The following L3MBTL4 variants were observed in gnomAD, a reference collection of about 807,000 sequenced individuals.
L3MBTL4 encodes L3MBTL histone methyl-lysine binding protein 4.
A neutral mutation model predicts 84.5 loss-of-function variants in L3MBTL4; 70 were observed. The ratio of observed to expected loss-of-function variants is 0.83; its 90% CI spans 0.68 to 1.01. The LOEUF (loss-of-function observed/expected upper bound fraction) is 1.01, where lower values mean the gene tolerates loss of function less well. L3MBTL4 is among the 50% of genes least tolerant of loss of function. L3MBTL4 has a pLI of 0.00. For synonymous variants in L3MBTL4, 274 were observed against 259.8 expected, an observed-to-expected ratio of 1.05 and a Z score of -0.52; for missense variants, 715 against 754.8, an observed-to-expected ratio of 0.95 and a Z score of 0.62.
intron 16 of L3MBTL4, among the ~76,000 whole-genome samples, chr18:6,045,183 C>T (rs1416567912): frequency 1.3e-5 from 2 of 152,190 alleles, no homozygotes; most frequent in Non-Finnish European, 2.9e-5. Context: ...TAACAGCAGA[C>T]CGTTCAGCAG....
chr18:6,153,676 A>C (rs1212179093), intron 13 of L3MBTL4, among the ~76,000 whole-genome samples: 1 of 152,062 alleles, frequency 6.6e-6, no homozygotes, highest in African/African-American at 2.4e-5. Flanking sequence ...CCATGTGTTG[A>C]GGGAGGAAGG....
intron 3 of L3MBTL4, among the ~76,000 whole-genome samples, chr18:6,309,212 A>G (rs563107100): frequency 1.4e-4 from 22 of 152,356 alleles, no homozygotes; most frequent in Middle Eastern, 3.4e-3. Context: ...CAAGGAGTCT[A>G]GCAAAATTCA....
chr18:6,266,211 G>A (rs1200684467), intron 4 of L3MBTL4, among the ~76,000 whole-genome samples: 1 of 152,144 alleles, frequency 6.6e-6, no homozygotes. Context: ...GCATATGTAT[G>A]TCCACACAAC....
At chr18:6,280,326 G>C (rs2049270178) in intron 4 of L3MBTL4, among the ~76,000 whole-genome samples, 1 of 152,272 alleles carries the variant, frequency 6.6e-6, no homozygotes, top group African/African-American at 2.4e-5. Context: ...TAGTTCACAG[G>C]GGCATTTTCC....
At chr18:5,958,014 G>T (rs868073308) in intron 18 of L3MBTL4, among the ~76,000 whole-genome samples, 4 of 131,182 alleles carry the variant, frequency 3.0e-5, no homozygotes, top group Middle Eastern at 3.4e-3. Flanking sequence ...GAAGGAGGAG[G>T]AGGAGAAGGA....
At chr18:6,112,057 C>G in intron 14 of L3MBTL4, among the ~76,000 whole-genome samples, 1 of 152,150 alleles carries the variant, frequency 6.6e-6, no homozygotes, top group East Asian at 1.9e-4. Context: ...ATAAAGTGAG[C>G]TCATTCAGTA....
At chr18:6,186,410 G>A (rs539740504) in intron 12 of L3MBTL4, among the ~76,000 whole-genome samples, 74 of 152,072 alleles carry the variant, frequency 4.9e-4, no homozygotes, top group African/African-American at 1.4e-3. Flanking sequence ...TAGGAAGGAC[G>A]CATGGAGCCA....
At chr18:6,369,699 A>G (rs897313502) in intron 1 of L3MBTL4, among the ~76,000 whole-genome samples, 1 of 152,164 alleles carries the variant, frequency 6.6e-6, no homozygotes, top group African/African-American at 2.4e-5. Context: ...TATGCAACAG[A>G]CCTGGGATGA....
intron 4 of L3MBTL4, among the ~76,000 whole-genome samples, chr18:6,287,888 A>C (rs2049671630): frequency 6.6e-6 from 1 of 152,216 alleles, no homozygotes; most frequent in Non-Finnish European, 1.5e-5. Context: ...ATAAAAATTT[A>C]GAAATTAGCC....
chr18:6,349,481 C>T (rs1011119405), intron 1 of L3MBTL4, among the ~76,000 whole-genome samples: 8 of 152,290 alleles, frequency 5.3e-5, no homozygotes, highest in African/African-American at 1.9e-4. Context: ...ATAATCAAAG[C>T]ACTTCGGGAG....
chr18:6,375,973 G>A (rs1310335387), intron 1 of L3MBTL4, among the ~76,000 whole-genome samples: 2 of 152,166 alleles, frequency 1.3e-5, no homozygotes, highest in Non-Finnish European at 2.9e-5. Context: ...TTGTGGCTAA[G>A]AACTCATCCC....
At chr18:6,131,793 G>A (rs2059886147) in intron 14 of L3MBTL4, among the ~76,000 whole-genome samples, 1 of 152,116 alleles carries the variant, frequency 6.6e-6, no homozygotes, top group African/African-American at 2.4e-5. Context: ...ACTATCCAAG[G>A]TTGGTACTGA....
In L3MBTL4 at chr18:6,099,336, T is replaced by C. The variant is rs1162710205; in HGVS notation, c.1200-5808A>G. 2.6e-5 allele frequency among the ~76,000 whole-genome samples: 4 copies of C among 151,972 alleles called. No individual in the cohort carries two copies. The East Asian group carries it at 7.8e-4, about 30-fold the overall frequency. On this transcript the variant is annotated intron_variant, in intron 14 of 18. Transcript: ENST00000317931. ...CCAAAAGACATAATAAATACCAAAA[T>C]GCAGATTATTGAAGTTATTGAACAG...
chr18:6,235,905 A>G (rs906364381), intron 10 of L3MBTL4, among the ~76,000 whole-genome samples: 8 of 152,220 alleles, frequency 5.3e-5, no homozygotes, highest in African/African-American at 1.9e-4. Context: ...AGATTTGTAA[A>G]CTGAAAACTA....
At chr18:6,007,817 G>A (rs1360554089) in intron 16 of L3MBTL4, among the ~76,000 whole-genome samples, 1 of 152,090 alleles carries the variant, frequency 6.6e-6, no homozygotes, top group Non-Finnish European at 1.5e-5. Flanking sequence ...TTATGAGTGG[G>A]TTGAAATTCA....
chr18:6,284,206 A>G (rs1188697743), intron 4 of L3MBTL4, among the ~76,000 whole-genome samples: 1 of 152,224 alleles, frequency 6.6e-6, no homozygotes, highest in African/African-American at 2.4e-5. Context: ...TTTTTAAGGA[A>G]TTAGTCTATT....
intron 1 of L3MBTL4, among the ~76,000 whole-genome samples, chr18:6,401,566 C>G (rs558582753): frequency 3.9e-5 from 6 of 152,208 alleles, no homozygotes; most frequent in Middle Eastern, 6.8e-3. Flanking sequence ...AAAGTTCAAA[C>G]GAGGAAAAAG....
intron 16 of L3MBTL4, among the ~76,000 whole-genome samples, chr18:6,069,043 A>G (rs1341564123): frequency 6.6e-6 from 1 of 152,226 alleles, no homozygotes; most frequent in Non-Finnish European, 1.5e-5. Context: ...TCTGCAAGGG[A>G]TCCAGAAATG....
chr18:6,212,177 A>G (rs988143419), intron 12 of L3MBTL4, among the ~76,000 whole-genome samples: 8 of 152,354 alleles, frequency 5.3e-5, no homozygotes, highest in Admixed American at 5.2e-4. Flanking sequence ...TTTTGTTTTC[A>G]TTCATCAGAA....
Sources: gnomAD v4.1 joint callset for allele counts (sites outside exome capture counted in the v4.1 genomes callset) on GRCh38, gnomAD v4.1.1 for gene constraint, MANE v1.5 for transcripts, NCBI Gene and HGNC (gene_info 2026-07-23, HGNC 2026-07-21) for gene names.